The following ADAM22 variants were observed in gnomAD, a reference collection of about 807,000 sequenced individuals.
ADAM22 encodes disintegrin and metalloproteinase domain-containing protein 22.
Under a neutral mutation model 144.6 loss-of-function variants are expected in ADAM22, and 65 were observed. The observed-to-expected ratio is 0.45, with a 90% CI of 0.37 to 0.55. ADAM22 has a LOEUF of 0.55. ADAM22 is among the 20% of genes least tolerant of loss of function. The pLI, the probability that ADAM22 is intolerant of heterozygous loss-of-function variation, is 0.00. For synonymous variants in ADAM22, 391 were observed against 412.6 expected, an observed-to-expected ratio of 0.95 and a Z score of 0.63; for missense variants, 974 against 1,184.9, an observed-to-expected ratio of 0.82 and a Z score of 2.61.
chr7:88,069,819 A>T, intron 3 of ADAM22, among the ~76,000 whole-genome samples: 1 of 152,136 alleles, frequency 6.6e-6, no homozygotes, highest in East Asian at 1.9e-4. Context: ...CCTGTTCAAA[A>T]AGTGGGAAAT....
chr7:88,148,141 G>C (rs1258132292), intron 17 of ADAM22, among the ~76,000 whole-genome samples: 1 of 152,164 alleles, frequency 6.6e-6, no homozygotes, highest in Non-Finnish European at 1.5e-5. Flanking sequence ...TGAGCAGCTA[G>C]AGAAGATAAA....
intron 2 of ADAM22, among the ~76,000 whole-genome samples, chr7:87,944,084 A>C (rs1016989061): frequency 6.6e-6 from 1 of 151,294 alleles, no homozygotes. Context: ...TCTGCTTCAC[A>C]CTGCCCCATG....
chr7:88,032,567 G>GAC (rs1800551649), intron 3 of ADAM22, among the ~76,000 whole-genome samples: 1 of 152,158 alleles, frequency 6.6e-6, no homozygotes, highest in Non-Finnish European at 1.5e-5. Flanking sequence ...GTTAATGCTG[G>GAC]AATGAGTTAA....
At chr7:87,973,647 A>T (rs2129447781) in intron 2 of ADAM22, among the ~76,000 whole-genome samples, 1 of 152,332 alleles carries the variant, frequency 6.6e-6, no homozygotes, top group South Asian at 2.1e-4. Context: ...ACGTATGTTT[A>T]TTGTGGCACT....
intron 18 of ADAM22, among the ~76,000 whole-genome samples, chr7:88,150,623 G>A (rs999977823): frequency 2.0e-5 from 3 of 152,056 alleles, no homozygotes; most frequent in Admixed American, 1.3e-4. Context: ...TAGTATATCT[G>A]TATGAATCAA....
At chr7:88,155,841 T>A in intron 21 of ADAM22, 46 bp from the exon 22 acceptor site, 1 of 1,600,206 alleles carries the variant, frequency 6.2e-7, no homozygotes. Context: ...GTACATGGTT[T>A]GCTATATATT....
At chr7:87,953,586 T>A (rs1480487688) in intron 2 of ADAM22, among the ~76,000 whole-genome samples, 1 of 152,118 alleles carries the variant, frequency 6.6e-6, no homozygotes, top group East Asian at 1.9e-4. Context: ...TTGGAATAGG[T>A]GTGGTGTGGT....
rs936176603 is a variant in ADAM22, at chr7:87,978,268, A to G, written c.247-68A>G. The G allele has an allele frequency of 4.2e-6, 5 of 1,187,912 alleles. No individual in the cohort carries two copies. In the African/African-American group the frequency reaches 6.1e-5, roughly 15 times the overall value. The allele number at this position is 1,187,912 out of a possible 1,614,324, so 73.6% of individuals were successfully genotyped here. A position where few individuals can be genotyped will look rare whatever the true frequency, so the allele number is the denominator to read the frequency against. Reference sequence around the variant, plus strand: ...ATTGTAAGTGTTTTGAAATAATCATAAGAAAGACTAATTGTCTGATTAGTA... The same window carrying G: ...ATTGTAAGTGTTTTGAAATAATCATGAGAAAGACTAATTGTCTGATTAGTA... On this transcript the variant is annotated intron_variant, in intron 2 of 31. Coordinates refer to ENST00000413139, the MANE Select transcript of ADAM22 (RefSeq NM_001324418.2).
At chr7:88,088,847 C>T (rs573076492) in intron 4 of ADAM22, among the ~76,000 whole-genome samples, 5 of 151,946 alleles carry the variant, frequency 3.3e-5, no homozygotes, top group Admixed American at 1.3e-4. Flanking sequence ...AATATAACAC[C>T]GTGGACTCCT....
intron 2 of ADAM22, among the ~76,000 whole-genome samples, chr7:87,951,064 A>G (rs1844992347): frequency 6.6e-6 from 1 of 152,162 alleles, no homozygotes; most frequent in Non-Finnish European, 1.5e-5. Context: ...AGTAGGTTGC[A>G]AAAATTTTCT....
At chr7:88,108,607 T>A (rs528883135) in intron 5 of ADAM22, among the ~76,000 whole-genome samples, 38 of 152,046 alleles carry the variant, frequency 2.5e-4, no homozygotes, top group Middle Eastern at 3.4e-3. Context: ...CAGGTACCTG[T>A]AATCCCAGCT....
chr7:88,174,832 C>G (rs1478524793), intron 26 of ADAM22, among the ~76,000 whole-genome samples: 2 of 152,172 alleles, frequency 1.3e-5, no homozygotes, highest in Non-Finnish European at 2.9e-5. Context: ...GTTTTAGCCA[C>G]TTTATTTTCT....
intron 26 of ADAM22, among the ~76,000 whole-genome samples, chr7:88,176,005 C>G (rs11974320): frequency 0.021 from 3,149 of 152,184 alleles, 126 homozygotes; most frequent in African/African-American, 0.072. Context: ...TGGAGTTTCG[C>G]TCTGTCACCC....
At chr7:88,036,640 A>G (rs546682700) in intron 3 of ADAM22, among the ~76,000 whole-genome samples, 127 of 152,188 alleles carry the variant, frequency 8.3e-4, no homozygotes, top group African/African-American at 2.8e-3. Flanking sequence ...TTGAGCCCAT[A>G]CTTAGTTTAT....
intron 7 of ADAM22, among the ~76,000 whole-genome samples, chr7:88,123,294 C>CT (rs945065256): frequency 2.5e-3 from 378 of 148,462 alleles, no homozygotes; most frequent in African/African-American, 8.8e-3. Context: ...TTTCCAAACT[C>CT]TTTTTTTTTT....
At chr7:88,069,909 G>A (rs536916601) in intron 3 of ADAM22, among the ~76,000 whole-genome samples, 3 of 152,332 alleles carry the variant, frequency 2.0e-5, no homozygotes, top group African/African-American at 7.2e-5. Flanking sequence ...TTTGGCAGAA[G>A]GGAATATATG....
Position 88,083,052 on chromosome 7 carries a change from G to A in ADAM22, c.390+7360G>A, listed in dbSNP as rs1432358159. Among the ~76,000 whole-genome samples, 10 of 152,188 alleles carry A rather than the reference G, an allele frequency of 6.6e-5. No individual in the cohort carries two copies. In the East Asian group the frequency reaches 1.4e-3, roughly 21 times the overall value. On this transcript the variant is annotated intron_variant, in intron 4 of 31. Transcript: ENST00000413139. ...ACACATGCACATGTATGTTTATTGT[G>A]GCACTATTCACAATAGCAAAGAGTT...
chr7:87,996,600 A>G (rs1356820758), intron 3 of ADAM22, among the ~76,000 whole-genome samples: 1 of 152,222 alleles, frequency 6.6e-6, no homozygotes, highest in Non-Finnish European at 1.5e-5. Flanking sequence ...TGAAGGGAAT[A>G]TTATTGGGAC....
intron 2 of ADAM22, 122 bp downstream of exon 2, chr7:87,935,308 G>T (rs1840975212): frequency 3.5e-6 from 4 of 1,141,086 alleles, no homozygotes; most frequent in Non-Finnish European, 4.8e-6. Context: ...GGGTCCCGAT[G>T]CGAGTCATGC....
Sources: gnomAD v4.1 joint callset for allele counts (sites outside exome capture counted in the v4.1 genomes callset) on GRCh38, gnomAD v4.1.1 for gene constraint, MANE v1.5 for transcripts, NCBI Gene and HGNC (gene_info 2026-07-23, HGNC 2026-07-21) for gene names.